HDLBP: variants seen among roughly 807,000 people sequenced by gnomAD.
The protein encoded by HDLBP is vigilin.
A neutral mutation model predicts 137.3 loss-of-function variants in HDLBP; 30 were observed. The ratio of observed to expected loss-of-function variants is 0.22; its 90% CI spans 0.16 to 0.30. The LOEUF is 0.30. HDLBP is among the 10% of genes least tolerant of loss of function. The pLI, the probability that HDLBP is intolerant of heterozygous loss-of-function variation, is 1.00. For missense variants in HDLBP, 1,119 were observed against 1,667.3 expected, an observed-to-expected ratio of 0.67 and a Z score of 5.73; for synonymous variants, 606 against 596.0, an observed-to-expected ratio of 1.02 and a Z score of -0.24.
intron 8 of HDLBP, 68 bp from the exon 9 acceptor site, chr2:241,255,226 G>A (rs2072521173): frequency 2.0e-6 from 3 of 1,494,768 alleles, no homozygotes; most frequent in African/African-American, 1.4e-5. Context: ...AAGCCAGGCT[G>A]CTCACCTGGG....
Position 241,230,522 on chromosome 2 carries a change from G to A in HDLBP, c.3474+237C>T, listed in dbSNP as rs1401129440. On this transcript the variant is annotated intron_variant, in intron 25 of 27. Transcript: ENST00000310931. The surrounding 1 kb of genome is among the most constrained non-coding windows in gnomAD (Gnocchi z 5.0). The stretch of plus-strand genomic sequence containing the variant: ...CATGAAATTCCCACCCACAGAGGAC[G>A]AGCTCGCCAGGCAGCTGTCAAGGAG... Among the ~76,000 whole-genome samples, 3 of 152,220 alleles carry A rather than the reference G, an allele frequency of 2.0e-5. No homozygotes were observed. The highest frequency in any genetic ancestry group is 4.4e-5 in the Non-Finnish European group (3 of 68,046).
Position 241,239,563 on chromosome 2 carries a change from G to T in HDLBP, c.2610+39C>A, listed in dbSNP as rs1199723671. On this transcript the variant is annotated intron_variant, in intron 19 of 27. Transcript: ENST00000310931. The surrounding 1 kb of genome is among the most constrained non-coding windows in gnomAD (Gnocchi z 4.6). ...TACACGGCTTCGGTGAGTGGCCACT[G>T]GGGGGTGAGAACCCCTCCCCGAGCA... is the stretch of plus-strand genomic sequence containing the variant. 3.3e-6 allele frequency: 5 copies of T among 1,528,298 alleles called. No homozygotes were observed. Among genetic ancestry groups the T allele is most frequent in the South Asian group, 1.1e-5 (1 of 88,974 alleles). The allele number at this position is 1,528,298 out of a possible 1,614,324, so 94.7% of individuals were successfully genotyped here. A position where few individuals can be genotyped will look rare whatever the true frequency, so the allele number is the denominator to read the frequency against.
rs139028744 is a variant in HDLBP, at chr2:241,309,038, GTCCAT to G, written c.-103+6527_-103+6531del. ...CCTGCCCCCGTGCTTTTCACCTCCT[GTCCAT>G]TCCTCTTATAACGCTCTTCCCCAGA... On this transcript the variant is annotated intron_variant, in intron 1 of 27. Coordinates refer to ENST00000310931, the MANE Select transcript of HDLBP (RefSeq NM_005336.6). Among the ~76,000 whole-genome samples the G allele has an allele frequency of 1.2e-3, 178 of 152,206 alleles. 1 individual carries two copies. The highest frequency in any genetic ancestry group is 3.9e-3 in the African/African-American group (161 of 41,522).
chr2:241,298,530 A>G (rs76240021), intron 1 of HDLBP, among the ~76,000 whole-genome samples: 4,010 of 152,326 alleles, frequency 0.026, 71 homozygotes, highest in Non-Finnish European at 0.043. Context: ...CAATATTGAC[A>G]TAAATAAGCA....
intron 7 of HDLBP, 35 bp downstream of exon 7, chr2:241,256,149 T>C: frequency 1.3e-6 from 2 of 1,562,456 alleles, no homozygotes; most frequent in Non-Finnish European, 1.8e-6. Flanking sequence ...TTTCTATTCC[T>C]GCCCATGGGG....
chr2:241,230,234 G>A lies in HDLBP; in HGVS notation c.3510C>T (p.Asp1170=). The A allele has an allele frequency of 6.2e-7, 1 of 1,610,922 alleles. No individual in the cohort carries two copies. Among genetic ancestry groups the A allele is most frequent in the Non-Finnish European group, 8.5e-7 (1 of 1,177,584 alleles). ...GCCCCGTCACAGTGACGCAGTTGGG[G>A]TCTGGGGCTCCGCTCTGTGGGAAGC... ...DIRFPQSGAP[D]PNCVTVTGLP... The change falls in exon 26 of 28, where the codon GAC becomes GAT. Residue 1170 remains aspartate, a synonymous_variant. Coordinates refer to ENST00000310931, the MANE Select transcript of HDLBP (RefSeq NM_005336.6). The surrounding 1 kb of genome is among the most constrained non-coding windows in gnomAD (Gnocchi z 5.0).
At position 241,230,446 on chromosome 2, in the gene HDLBP, G is replaced by GC. The variant is rs2069605393; in HGVS notation, c.3475-178dup. ...ACACCAAGTTAGGTGTATCTCAGGA[G>GC]CACCTTGTTCCCAGCAGACAGAGGG... On this transcript the variant is annotated intron_variant, in intron 25 of 27. Transcript: ENST00000310931. This position sits in a 1 kb window ranked among gnomAD's most constrained non-coding sequence, Gnocchi z 5.0. Among the ~76,000 whole-genome samples the GC allele has an allele frequency of 6.6e-6, 1 of 152,246 alleles. No homozygotes were observed. Among genetic ancestry groups the GC allele is most frequent in the Non-Finnish European group, 1.5e-5 (1 of 68,046 alleles).
chr2:241,258,714 A>G (rs2072919362), intron 5 of HDLBP, among the ~76,000 whole-genome samples: 2 of 152,228 alleles, frequency 1.3e-5, no homozygotes, highest in Non-Finnish European at 2.9e-5. Context: ...TTTCCTAACA[A>G]TGACTCAAGA....
chr2:241,272,306 C>T lies in HDLBP; in HGVS notation c.-102-3765G>A, dbSNP rs1271941971. The T allele has an allele frequency of 1.0e-6, 1 of 982,626 alleles. No individual in the cohort carries two copies. Among genetic ancestry groups the T allele is most frequent in the African/African-American group, 1.8e-5 (1 of 57,030 alleles). 60.9% of individuals were successfully genotyped at this position (982,626 alleles called of 1,614,324 possible). Reference sequence around the variant, plus strand: ...CAGGGACCCCCACCCTGGCCGCACACGGCGCCCCCGCCGGAGCGGGGGAGG... The same window carrying T: ...CAGGGACCCCCACCCTGGCCGCACATGGCGCCCCCGCCGGAGCGGGGGAGG... On this transcript the variant is annotated intron_variant, in intron 1 of 27. Transcript: ENST00000310931. The surrounding 1 kb of genome is among the most constrained non-coding windows in gnomAD (Gnocchi z 5.6).
chr2:241,281,859 GA>G (rs575868184), intron 1 of HDLBP, among the ~76,000 whole-genome samples: 8 of 152,236 alleles, frequency 5.3e-5, no homozygotes, highest in Admixed American at 3.3e-4. Flanking sequence ...GCAGATGTTG[GA>G]AAATTTTAAA....
chr2:241,298,070 AAAAAAAAAAAAAGG>A (rs1249916862), intron 1 of HDLBP, among the ~76,000 whole-genome samples: 7 of 145,450 alleles, frequency 4.8e-5, no homozygotes, highest in African/African-American at 1.8e-4. Flanking sequence ...AAAAAAAAAA[AAAAAAAAAAAAAGG>A]GCCAGGCATG....
At chr2:241,296,967 C>A (rs1246645408) in intron 1 of HDLBP, among the ~76,000 whole-genome samples, 2 of 152,256 alleles carry the variant, frequency 1.3e-5, no homozygotes, top group African/African-American at 4.8e-5. Flanking sequence ...GGCAGTCATA[C>A]TAAGTGGGAC....
At chr2:241,249,106 CA>C (rs1403564417) in intron 12 of HDLBP, among the ~76,000 whole-genome samples, 8 of 152,100 alleles carry the variant, frequency 5.3e-5, no homozygotes, top group Admixed American at 3.9e-4. Context: ...GGGAAGGCCA[CA>C]AGCAGTGGGA....
intron 1 of HDLBP, among the ~76,000 whole-genome samples, chr2:241,306,974 A>C (rs1031029367): frequency 4.5e-5 from 5 of 112,344 alleles, no homozygotes; most frequent in African/African-American, 1.4e-4. Context: ...ACCTATTCAA[A>C]AAAAAAAAAA....
chr2:241,267,900 C>T lies in HDLBP; in HGVS notation c.-38+577G>A, dbSNP rs571230069. ...TCATTAGCACAGCCACAGTGCTCAG[C>T]GGGATATGGGCTCCGAAAGCCACAG... On this transcript the variant is annotated intron_variant, in intron 2 of 27. Transcript: ENST00000310931. 6.1e-6 allele frequency: 6 copies of T among 985,410 alleles called. No homozygotes were observed. The East Asian group carries it at 4.5e-4, about 75-fold the overall frequency. The allele number at this position is 985,410 out of a possible 1,614,324, so 61.0% of individuals were successfully genotyped here. A position where few individuals can be genotyped will look rare whatever the true frequency, so the allele number is the denominator to read the frequency against.
At chr2:241,261,450 C>T (rs1404305449) in intron 5 of HDLBP, among the ~76,000 whole-genome samples, 1 of 152,074 alleles carries the variant, frequency 6.6e-6, no homozygotes, top group Non-Finnish European at 1.5e-5. Context: ...TACATGAAAA[C>T]GGGAAGATCT....
At chr2:241,266,997 CTCTT>C (rs2073722501) in intron 2 of HDLBP, 91 bp from the exon 3 acceptor site, 2 of 929,158 alleles carry the variant, frequency 2.2e-6, no homozygotes, top group Non-Finnish European at 3.5e-6. Context: ...AAGTTTTACT[CTCTT>C]TTTTACCAGC....
intron 5 of HDLBP, among the ~76,000 whole-genome samples, chr2:241,261,051 C>T (rs929966460): frequency 4.0e-5 from 6 of 151,828 alleles, no homozygotes; most frequent in African/African-American, 9.7e-5. Context: ...AAAAAAAAGC[C>T]GGGCCTGATG....
At position 241,248,161 on chromosome 2, in the gene HDLBP, C is replaced by A. The variant is rs540448945; in HGVS notation, c.1618-45G>T. ...GACTAAGTTCAAGTATGAGGAAGGA[C>A]ATATATCCCAAATATCAAATATTCC... On this transcript the variant is annotated intron_variant, in intron 13 of 27. Coordinates refer to ENST00000310931, the MANE Select transcript of HDLBP (RefSeq NM_005336.6). 55 of 1,554,774 alleles carry A rather than the reference C, an allele frequency of 3.5e-5. No homozygotes were observed. In the South Asian group the frequency reaches 5.9e-4, roughly 17 times the overall value.
Sources: gnomAD v4.1 joint callset for allele counts (sites outside exome capture counted in the v4.1 genomes callset) on GRCh38, gnomAD v4.1.1 for gene constraint, Gnocchi (gnomAD v3.1) non-coding constraint, MANE v1.5 for transcripts, NCBI Gene and HGNC (gene_info 2026-07-23, HGNC 2026-07-21) for gene names.